The following HIVEP2 variants were observed in gnomAD, a reference collection of about 807,000 sequenced individuals.
HIVEP2 encodes the protein HIVEP zinc finger 2.
In HIVEP2, 14 loss-of-function variants were observed where a neutral mutation model predicts 180.7. The observed-to-expected ratio is 0.08, with a 90% CI of 0.05 to 0.12. The LOEUF (loss-of-function observed/expected upper bound fraction) is 0.12. HIVEP2 is among the 10% of genes least tolerant of loss of function. The pLI is 1.00. For synonymous variants in HIVEP2, 1,184 were observed against 1,136.4 expected (o/e 1.04, Z -0.84); for missense variants, 2,579 against 3,008.5 (o/e 0.86, Z 3.34).
Position 142,773,620 on chromosome 6 carries a change from C to T in HIVEP2, c.1119G>A (p.Leu373=). 6.2e-7 allele frequency: 1 copy of T among 1,614,182 alleles called. No homozygotes were observed. Among genetic ancestry groups the T allele is most frequent in the Non-Finnish European group, 8.5e-7 (1 of 1,180,032 alleles). The change falls in exon 5 of 10, where the codon CTG becomes CTA. Residue 373 remains leucine, a synonymous_variant. Transcript: ENST00000367603. ...HTVKQKLALR[L]SEKKGQDSEP... is the part of the protein sequence containing the mutation. ...CAGAATCTTGTCCTTTTTTCTCTGA[C>T]AGTCTTAGTGCAAGTTTCTGTTTGA...
At chr6:142,884,191 T>C (rs1031141130) in intron 1 of HIVEP2, among the ~76,000 whole-genome samples, 1 of 152,204 alleles carries the variant, frequency 6.6e-6, no homozygotes, top group Non-Finnish European at 1.5e-5. Flanking sequence ...TTGAGGGTAC[T>C]GGATCTTGGA....
At chr6:142,851,560 C>T (rs117789060) in intron 1 of HIVEP2, among the ~76,000 whole-genome samples, 3,462 of 152,344 alleles carry the variant, frequency 0.023, 67 homozygotes, top group Middle Eastern at 0.068. Context: ...ATTACCCTAG[C>T]TTACAAAGGA....
intron 1 of HIVEP2, among the ~76,000 whole-genome samples, chr6:142,942,710 C>T (rs1052835352): frequency 1.3e-5 from 2 of 152,146 alleles, no homozygotes; most frequent in East Asian, 1.9e-4. Context: ...TTAGATCTTA[C>T]ATTTGTAAGA....
At chr6:142,830,782 A>T (rs1775055980) in intron 2 of HIVEP2, among the ~76,000 whole-genome samples, 1 of 152,166 alleles carries the variant, frequency 6.6e-6, no homozygotes, top group South Asian at 2.1e-4. Context: ...TAAAAGTGAT[A>T]TTCAAACTCC....
intron 1 of HIVEP2, among the ~76,000 whole-genome samples, chr6:142,886,369 T>C (rs748985176): frequency 2.6e-5 from 4 of 152,224 alleles, no homozygotes; most frequent in Non-Finnish European, 5.9e-5. Context: ...AGTTTTCAAA[T>C]CATCTGTTCT....
intron 1 of HIVEP2, among the ~76,000 whole-genome samples, chr6:142,937,706 G>T (rs1778088698): frequency 6.6e-6 from 1 of 152,192 alleles, no homozygotes. Context: ...ATGGTAAAAA[G>T]ACAAAGCATT....
rs1335430035 is a variant in HIVEP2 at position 142,770,025 on chromosome 6, C to T, written c.4714G>A (p.Asp1572Asn). Residue 1572 changes from aspartate (D) to asparagine (N), a missense_variant, in exon 5 of 10, where the codon GAT becomes AAT. Physicochemically the swap from Asp to Asn is conservative, Grantham distance 23 (BLOSUM62 1). This residue lies in a region of HIVEP2 where 349 missense variants were observed against 367.2 expected (regional missense o/e 0.95). Transcript: ENST00000367603. The surrounding 1 kb of genome is among the most constrained non-coding windows in gnomAD (Gnocchi z 4.7). ...ATGCTCATGTCCGATGCCGTCTCATCGATATCTAATTCATCTGAAGATTCT... is the reference window on the plus strand; with the variant it reads ...ATGCTCATGTCCGATGCCGTCTCATTGATATCTAATTCATCTGAAGATTCT... ...SKESSDELDI[D>N]ETASDMSMSP... The T allele has an allele frequency of 4.3e-6, 7 of 1,614,132 alleles. No homozygotes were observed. The highest frequency in any genetic ancestry group is 1.3e-5 in the African/African-American group (1 of 75,040).
At position 142,771,338 on chromosome 6, in the gene HIVEP2, T is replaced by A. The variant is rs746974252; in HGVS notation, c.3401A>T (p.Asp1134Val). Residue 1134 changes from aspartate to valine, a missense_variant, in exon 5 of 10, where the codon GAC (aspartate) becomes GTC (valine). By Grantham distance (152) the Asp-to-Val change is radical. Around this residue, in one of 11 missense-constraint regions of HIVEP2, gnomAD observed 523 missense variants for 577.0 expected, o/e 0.91. Coordinates refer to ENST00000367603, the MANE Select transcript of HIVEP2 (RefSeq NM_006734.4). The surrounding 1 kb of genome is among the most constrained non-coding windows in gnomAD (Gnocchi z 5.4). The part of the protein sequence containing the change: ...PAVLPPLQQE[D>V]PGKQVAGPCP... ...AGGACCCGCCACCTGCTTCCCTGGGTCCTCTTGCTGAAGAGGAGGCAGCAC... is the reference window on the plus strand; with the variant it reads ...AGGACCCGCCACCTGCTTCCCTGGGACCTCTTGCTGAAGAGGAGGCAGCAC... 1 of 1,612,900 alleles carries A rather than the reference T, an allele frequency of 6.2e-7. No homozygotes were observed. The highest frequency in any genetic ancestry group is 8.5e-7 in the Non-Finnish European group (1 of 1,179,964).
chr6:142,851,895 C>A (rs1247047012), intron 1 of HIVEP2, among the ~76,000 whole-genome samples: 1 of 152,226 alleles, frequency 6.6e-6, no homozygotes, highest in Admixed American at 6.5e-5. Flanking sequence ...GGGGTTCACT[C>A]ATGTCTTTAT....
At chr6:142,829,036 A>G (rs1395254806) in intron 2 of HIVEP2, among the ~76,000 whole-genome samples, 1 of 152,018 alleles carries the variant, frequency 6.6e-6, no homozygotes, top group Non-Finnish European at 1.5e-5. Context: ...AGACTATCCC[A>G]ATAGCTTCCT....
At chr6:142,832,214 C>G (rs1249365351) in intron 2 of HIVEP2, among the ~76,000 whole-genome samples, 1 of 146,696 alleles carries the variant, frequency 6.8e-6, no homozygotes, top group Non-Finnish European at 1.5e-5. Context: ...AAACAGAAAA[C>G]AAAAAACAAA....
At chr6:142,907,410 A>G (rs977838783) in intron 1 of HIVEP2, among the ~76,000 whole-genome samples, 16 of 152,208 alleles carry the variant, frequency 1.1e-4, no homozygotes, top group Non-Finnish European at 4.4e-5. Flanking sequence ...GCTGTTGTGA[A>G]GAAATCTAAA....
At chr6:142,766,138 C>T (rs1175742047) in intron 6 of HIVEP2, among the ~76,000 whole-genome samples, 1 of 152,168 alleles carries the variant, frequency 6.6e-6, no homozygotes, top group East Asian at 1.9e-4. Flanking sequence ...TAACTTCAGT[C>T]ATCCAATCTA....
intron 3 of HIVEP2, among the ~76,000 whole-genome samples, chr6:142,782,992 T>G (rs371719971): frequency 6.6e-6 from 1 of 152,312 alleles, no homozygotes; most frequent in East Asian, 1.9e-4. Flanking sequence ...ATAAACTTTG[T>G]CAGAAATAAA....
intron 3 of HIVEP2, among the ~76,000 whole-genome samples, chr6:142,782,558 T>A (rs1775884980): frequency 6.6e-6 from 1 of 152,224 alleles, no homozygotes; most frequent in Non-Finnish European, 1.5e-5. Context: ...AGGCTTCTTT[T>A]AGTAAAAATT....
chr6:142,912,312 T>C (rs1021237520), intron 1 of HIVEP2, among the ~76,000 whole-genome samples: 1 of 152,232 alleles, frequency 6.6e-6, no homozygotes, highest in Non-Finnish European at 1.5e-5. Context: ...CATTGTTATT[T>C]ACATCTAGTT....
intron 4 of HIVEP2, among the ~76,000 whole-genome samples, chr6:142,775,788 T>C (rs2114670102): frequency 6.6e-6 from 1 of 151,640 alleles, no homozygotes; most frequent in Non-Finnish European, 1.5e-5. Flanking sequence ...TGAGCTGACA[T>C]CATGTCACTG....
intron 1 of HIVEP2, among the ~76,000 whole-genome samples, chr6:142,912,244 A>G (rs564532969): frequency 6.6e-6 from 1 of 152,362 alleles, no homozygotes; most frequent in South Asian, 2.1e-4. Flanking sequence ...ATTGGAGAGC[A>G]CTGCTCCAGA....
At chr6:142,886,446 C>T (rs1173128322) in intron 1 of HIVEP2, among the ~76,000 whole-genome samples, 1 of 152,152 alleles carries the variant, frequency 6.6e-6, no homozygotes, top group Non-Finnish European at 1.5e-5. Context: ...ACTTTCATAT[C>T]AGAAAATGCT....
Sources: gnomAD v4.1 joint callset for allele counts (sites outside exome capture counted in the v4.1 genomes callset) on GRCh38, gnomAD v4.1.1 for gene constraint, gnomAD v4.1.1 regional missense constraint, Gnocchi (gnomAD v3.1) non-coding constraint, MANE v1.5 for transcripts, NCBI Gene and HGNC (gene_info 2026-07-23, HGNC 2026-07-21) for gene names.